DPP6: variants seen among roughly 807,000 people sequenced by gnomAD.
DPP6 encodes dipeptidyl peptidase like 6.
In DPP6, 69 loss-of-function variants were observed where a neutral mutation model predicts 122.6. The observed-to-expected ratio is 0.56, with a 90% CI of 0.46 to 0.69. The LOEUF is 0.69. Ranked by LOEUF, DPP6 falls within the 30% of genes least tolerant of loss-of-function variation. DPP6 has a pLI of 0.00. For synonymous variants in DPP6, 418 were observed against 433.1 expected (o/e 0.97, Z 0.43); for missense variants, 928 against 1,116.9 (o/e 0.83, Z 2.41).
chr7:154,116,570 T>C (rs1807001173), intron 1 of DPP6, among the ~76,000 whole-genome samples: 1 of 152,236 alleles, frequency 6.6e-6, no homozygotes, highest in Non-Finnish European at 1.5e-5. Flanking sequence ...TTAATAAATG[T>C]TCAAAAATTA....
At chr7:153,822,718 AAAT>A in the DPP6 span, among the ~76,000 whole-genome samples, 1 of 152,230 alleles carries the variant, frequency 6.6e-6, no homozygotes, top group Non-Finnish European at 1.5e-5. Flanking sequence ...GGTGGACAAA[AAAT>A]AATATTATTC....
chr7:153,929,257 G>GA, intron 1 of DPP6, among the ~76,000 whole-genome samples: 1 of 152,224 alleles, frequency 6.6e-6, no homozygotes, highest in East Asian at 1.9e-4. Flanking sequence ...GATCAGATAT[G>GA]AAAAAACAGC....
the DPP6 span, among the ~76,000 whole-genome samples, chr7:153,807,176 G>T: frequency 6.6e-6 from 1 of 151,852 alleles, no homozygotes; most frequent in Non-Finnish European, 1.5e-5. Context: ...ACTTTGGGAG[G>T]CTGAGGCGGG....
At chr7:153,749,389 AC>A in the DPP6 span, among the ~76,000 whole-genome samples, 1 of 151,328 alleles carries the variant, frequency 6.6e-6, no homozygotes, top group South Asian at 2.1e-4. The surrounding 1 kb of genome is among the most constrained non-coding windows in gnomAD (Gnocchi z 4.1). Context: ...TCACAATCAG[AC>A]CCCCCTGGGC....
intron 10 of DPP6, among the ~76,000 whole-genome samples, chr7:154,777,933 G>C (rs1796686741): frequency 6.6e-6 from 1 of 152,164 alleles, no homozygotes; most frequent in Non-Finnish European, 1.5e-5. Context: ...TTGATCCCAA[G>C]CACCAAGGAT....
intron 1 of DPP6, among the ~76,000 whole-genome samples, chr7:154,445,107 T>C (rs774719349): frequency 1.6e-4 from 25 of 152,234 alleles, no homozygotes; most frequent in Non-Finnish European, 3.4e-4. Context: ...TTTGACACAT[T>C]CTAAAGAACT....
intron 17 of DPP6, among the ~76,000 whole-genome samples, chr7:154,864,048 G>A (rs971374021): frequency 1.3e-5 from 2 of 152,298 alleles, no homozygotes; most frequent in Admixed American, 6.5e-5. Context: ...TACAGCAGGA[G>A]AGGCCTGGAC....
intron 5 of DPP6, among the ~76,000 whole-genome samples, chr7:154,609,148 G>C (rs111978329): frequency 1.3e-5 from 2 of 152,196 alleles, no homozygotes; most frequent in Non-Finnish European, 2.9e-5. Context: ...CTGGCATCTA[G>C]ATATTTCCCT....
intron 1 of DPP6, among the ~76,000 whole-genome samples, chr7:153,949,874 C>T (rs12667579): frequency 0.1 from 15,292 of 152,166 alleles, 1,333 homozygotes; most frequent in East Asian, 0.45. Context: ...ATAAACTAAG[C>T]GCCCCTTGAA....
intron 3 of DPP6, among the ~76,000 whole-genome samples, chr7:154,478,150 A>AT (rs903053694): frequency 8.6e-5 from 13 of 151,162 alleles, no homozygotes; most frequent in Admixed American, 1.3e-4. Flanking sequence ...GAGTTCACCC[A>AT]TTTTTTTTTA....
chr7:154,812,194 A>C (rs963834437), intron 16 of DPP6, among the ~76,000 whole-genome samples: 1 of 152,360 alleles, frequency 6.6e-6, no homozygotes, highest in African/African-American at 2.4e-5. Context: ...ACATTAGGAC[A>C]TAAGGGCTGG....
At chr7:154,131,303 G>A (rs979920920) in intron 1 of DPP6, among the ~76,000 whole-genome samples, 2 of 152,226 alleles carry the variant, frequency 1.3e-5, no homozygotes, top group Non-Finnish European at 2.9e-5. Context: ...ACCTTGCCAT[G>A]ATATCTTCTT....
At chr7:153,762,129 A>G in the DPP6 span, among the ~76,000 whole-genome samples, 4 of 152,188 alleles carry the variant, frequency 2.6e-5, no homozygotes, top group South Asian at 8.3e-4. Context: ...TTGCAACTCA[A>G]GGGCCCTATA....
rs770731677 is a variant in DPP6, at chr7:154,371,709, A to C, written c.244-74505A>C. 2.6e-3 allele frequency among the ~76,000 whole-genome samples: 401 copies of C among 152,262 alleles called. 4 individuals carry two copies. Among genetic ancestry groups the C allele is most frequent in the Non-Finnish European group, 5.1e-3 (345 of 68,018 alleles). On this transcript the variant is annotated intron_variant, in intron 1 of 25. Coordinates refer to ENST00000377770, the MANE Select transcript of DPP6 (RefSeq NM_130797.4). Reference sequence around the variant, plus strand: ...CTGAGTCCAGGCACAGCAGGATTTCAGGAACCAGGGAGGAGCTGGCCAGGT... The same window carrying C: ...CTGAGTCCAGGCACAGCAGGATTTCCGGAACCAGGGAGGAGCTGGCCAGGT...
At chr7:153,886,337 G>C (rs1408595097), upstream of DPP6, among the ~76,000 whole-genome samples, 1 of 152,180 alleles carries the variant, frequency 6.6e-6, no homozygotes, top group Non-Finnish European at 1.5e-5. Context: ...GGTGGAGACG[G>C]GAACCCAGGT....
chr7:154,662,986 G>A (rs1837853932), intron 6 of DPP6, among the ~76,000 whole-genome samples: 1 of 67,882 alleles, frequency 1.5e-5, no homozygotes, highest in South Asian at 8.3e-4. Flanking sequence ...GAATCACCAT[G>A]GTGTGTTGGC....
At chr7:154,029,643 G>A (rs182517964) in intron 1 of DPP6, among the ~76,000 whole-genome samples, 103 of 146,666 alleles carry the variant, frequency 7.0e-4, no homozygotes, top group Middle Eastern at 8.5e-3. Flanking sequence ...TCAGGAGATC[G>A]AGACCATCCT....
chr7:154,742,914 C>G (rs937443724), intron 8 of DPP6, among the ~76,000 whole-genome samples: 1 of 151,544 alleles, frequency 6.6e-6, no homozygotes, highest in Non-Finnish European at 1.5e-5. Context: ...CCTCCTCCCC[C>G]AAAATGTTTA....
chr7:153,808,693 G>A, the DPP6 span, among the ~76,000 whole-genome samples: 2 of 151,794 alleles, frequency 1.3e-5, no homozygotes, highest in East Asian at 1.9e-4. Context: ...TATTTCACTT[G>A]GTATAATGTT....
Sources: allele counts gnomAD v4.1 joint callset (sites outside exome capture counted in the v4.1 genomes callset), GRCh38; gene constraint gnomAD v4.1.1; non-coding constraint Gnocchi (gnomAD v3.1); transcripts MANE v1.5; gene names NCBI Gene and HGNC (gene_info 2026-07-23, HGNC 2026-07-21).